DOCK3: variants seen among roughly 807,000 people sequenced by gnomAD.
DOCK3 encodes dedicator of cytokinesis protein 3.
In DOCK3, 60 loss-of-function variants were observed where a neutral mutation model predicts 265.6. The observed-to-expected ratio is 0.23, with a 90% CI of 0.18 to 0.28. The LOEUF (loss-of-function observed/expected upper bound fraction) is 0.28, where lower values mean the gene tolerates loss of function less well. Ranked by LOEUF, DOCK3 falls within the 10% of genes least tolerant of loss-of-function variation. The probability of loss-of-function intolerance (pLI) is 1.00; values close to 1 mark genes in which losing one functional copy is unlikely to be tolerated. For synonymous variants in DOCK3, 881 were observed against 938.0 expected, an observed-to-expected ratio of 0.94 and a Z score of 1.11; for missense variants, 1,981 against 2,594.3, an observed-to-expected ratio of 0.76 and a Z score of 5.14.
chr3:50,697,997 A>G (rs1473126510), intron 1 of DOCK3, among the ~76,000 whole-genome samples: 1 of 151,826 alleles, frequency 6.6e-6, no homozygotes, highest in East Asian at 1.9e-4. Context: ...TTCTTTTTTT[A>G]TCTTTTAAAA....
intron 27 of DOCK3, among the ~76,000 whole-genome samples, chr3:51,303,934 C>G (rs999522639): frequency 6.6e-6 from 1 of 151,280 alleles, no homozygotes; most frequent in African/African-American, 2.4e-5. Flanking sequence ...CTCTGGCTGC[C>G]CCTTGGCAGA....
chr3:50,711,998 A>G (rs1290848224), intron 1 of DOCK3, among the ~76,000 whole-genome samples: 1 of 152,036 alleles, frequency 6.6e-6, no homozygotes, highest in Non-Finnish European at 1.5e-5. Flanking sequence ...TCTTACTTTT[A>G]TAAGGTAGTT....
At chr3:50,734,487 G>A (rs1230684421) in intron 1 of DOCK3, among the ~76,000 whole-genome samples, 4 of 151,910 alleles carry the variant, frequency 2.6e-5, no homozygotes, top group Non-Finnish European at 4.4e-5. Flanking sequence ...GGGCAACAGA[G>A]CAAGACTCTG....
At chr3:50,791,961 A>T (rs996873543) in intron 2 of DOCK3, among the ~76,000 whole-genome samples, 20 of 151,882 alleles carry the variant, frequency 1.3e-4, no homozygotes, top group Admixed American at 3.3e-4. Context: ...GTTCCATGTG[A>T]ATTTTAAAAT....
intron 1 of DOCK3, among the ~76,000 whole-genome samples, chr3:50,711,722 G>A (rs564923609): frequency 2.6e-5 from 4 of 151,990 alleles, no homozygotes; most frequent in South Asian, 2.1e-4. Context: ...CTTTCCTTTC[G>A]TTTTGGAAGA....
chr3:50,785,715 G>A (rs2042149658), intron 2 of DOCK3, among the ~76,000 whole-genome samples: 1 of 152,112 alleles, frequency 6.6e-6, no homozygotes, highest in African/African-American at 2.4e-5. Flanking sequence ...CAGTTACGTA[G>A]TGTTTTGTTG....
intron 9 of DOCK3, among the ~76,000 whole-genome samples, chr3:51,124,967 TAAAA>T (rs35040855): frequency 1.7e-4 from 22 of 126,608 alleles, no homozygotes; most frequent in Admixed American, 1.6e-4. Context: ...CTGTCTCTAC[TAAAA>T]AAAAAAAAAA....
chr3:50,699,349 G>A (rs1284637809), intron 1 of DOCK3, among the ~76,000 whole-genome samples: 1 of 151,996 alleles, frequency 6.6e-6, no homozygotes, highest in Non-Finnish European at 1.5e-5. Context: ...AGGAAGTTGA[G>A]CCTTCCAACT....
chr3:51,297,651 A>G (rs1197154125), intron 27 of DOCK3, among the ~76,000 whole-genome samples: 2 of 152,146 alleles, frequency 1.3e-5, no homozygotes, highest in Non-Finnish European at 2.9e-5. Flanking sequence ...GAGAGTAGAC[A>G]TAACAGGCCA....
chr3:51,275,328 G>C (rs757727656), intron 25 of DOCK3, 122 bp downstream of exon 25: 228 of 1,459,248 alleles, frequency 1.6e-4, no homozygotes, highest in Non-Finnish European at 4.6e-5. Context: ...TTTCATCAGT[G>C]ACAGGAAGGT....
chr3:51,141,128 C>T (rs2085042921), intron 9 of DOCK3, among the ~76,000 whole-genome samples: 1 of 150,622 alleles, frequency 6.6e-6, no homozygotes, highest in African/African-American at 2.4e-5. Context: ...CTGTTGGTGT[C>T]CTTCCTACCT....
intron 2 of DOCK3, chr3:50,787,956 C>T (rs998506726): frequency 3.8e-5 from 35 of 918,672 alleles, no homozygotes; most frequent in Non-Finnish European, 5.6e-5. Context: ...AAGACTTCTT[C>T]CTCTTCTTCC....
At chr3:51,328,213 C>T (rs950126165) in intron 32 of DOCK3, among the ~76,000 whole-genome samples, 2 of 152,092 alleles carry the variant, frequency 1.3e-5, no homozygotes, top group Admixed American at 6.5e-5. Context: ...ACTGTTGTAC[C>T]CTGTTTACAC....
chr3:50,749,497 C>T, intron 1 of DOCK3, among the ~76,000 whole-genome samples: 1 of 152,180 alleles, frequency 6.6e-6, no homozygotes, highest in Middle Eastern at 3.2e-3. Context: ...TGGTTTAAGG[C>T]TGGAGTGGCT....
chr3:51,009,467 C>G (rs2078848243), intron 5 of DOCK3, among the ~76,000 whole-genome samples: 1 of 152,046 alleles, frequency 6.6e-6, no homozygotes, highest in South Asian at 2.1e-4. Flanking sequence ...GGTGATAACC[C>G]CTTTATCGTT....
At position 51,374,213 on chromosome 3, in the gene DOCK3, G is replaced by A. The variant is rs1302313847; in HGVS notation, c.5294-256G>A. Among the ~76,000 whole-genome samples, 2 of 152,170 alleles carry A rather than the reference G, an allele frequency of 1.3e-5. No individual in the cohort carries two copies. Among genetic ancestry groups the A allele is most frequent in the Admixed American group, 1.3e-4 (2 of 15,284 alleles). ...AACTCTCCTCACCCTCTGCTTCTGA[G>A]CATGGTGGGGACTCTGTCAGCGGAT... On this transcript the variant is annotated intron_variant, in intron 49 of 52. Transcript: ENST00000266037. This position sits in a 1 kb window ranked among gnomAD's most constrained non-coding sequence, Gnocchi z 4.8.
At chr3:50,985,284 A>C (rs1266849934) in intron 5 of DOCK3, among the ~76,000 whole-genome samples, 1 of 152,214 alleles carries the variant, frequency 6.6e-6, no homozygotes, top group Non-Finnish European at 1.5e-5. Flanking sequence ...CCTACAGTGA[A>C]AATGTGTATA....
Position 50,943,458 on chromosome 3 carries a change from A to G in DOCK3, c.315+9381A>G, listed in dbSNP as rs185757151. Among the ~76,000 whole-genome samples the G allele has an allele frequency of 2.9e-4, 44 of 152,280 alleles. 1 individual carries two copies. Among genetic ancestry groups the G allele is most frequent in the Admixed American group, 2.6e-3 (40 of 15,308 alleles). ...AAGTGAAAATTTATGTACAGATTAT[A>G]TGTAAAGTATAATTTTACCTGTATT... On this transcript the variant is annotated intron_variant, in intron 5 of 52. Transcript: ENST00000266037.
At chr3:50,916,565 C>T (rs1280812478) in intron 4 of DOCK3, among the ~76,000 whole-genome samples, 3 of 152,094 alleles carry the variant, frequency 2.0e-5, no homozygotes, top group Admixed American at 6.5e-5. Flanking sequence ...CACCTGTAAT[C>T]GCAGCACTTT....
Sources: gnomAD v4.1 joint callset for allele counts (sites outside exome capture counted in the v4.1 genomes callset) on GRCh38, gnomAD v4.1.1 for gene constraint, Gnocchi (gnomAD v3.1) non-coding constraint, MANE v1.5 for transcripts, NCBI Gene and HGNC (gene_info 2026-07-23, HGNC 2026-07-21) for gene names.